The following PLD5 variants were observed in gnomAD, a reference collection of about 807,000 sequenced individuals.
The protein encoded by PLD5 is phospholipase D family member 5.
PLD5 carries 36 observed loss-of-function variants against 61.1 expected under a neutral mutation model. The ratio of observed to expected loss-of-function variants is 0.59; its 90% confidence interval spans 0.45 to 0.78. The LOEUF (loss-of-function observed/expected upper bound fraction) is 0.78, where lower values mean the gene tolerates loss of function less well. Ranked by LOEUF, PLD5 falls within the 30% of genes least tolerant of loss-of-function variation. The pLI is 0.00. For missense variants in PLD5, 515 were observed against 644.4 expected (o/e 0.80, Z 2.17); for synonymous variants, 243 against 242.8 (o/e 1.00, Z -0.01).
At chr1:242,254,851 C>T (rs947394495) in intron 4 of PLD5, among the ~76,000 whole-genome samples, 17 of 152,162 alleles carry the variant, frequency 1.1e-4, no homozygotes, top group Non-Finnish European at 2.1e-4. Context: ...TGTGGCCAAA[C>T]GAGCATAGGA....
In PLD5 at chr1:242,110,330, T is replaced by G. The variant is rs372185522; in HGVS notation, c.1071-2491A>C. Among the ~76,000 whole-genome samples, 29 of 152,148 alleles carry G rather than the reference T, an allele frequency of 1.9e-4. No homozygotes were observed. The East Asian group carries it at 4.3e-3, about 22-fold the overall frequency. Reference sequence around the variant, plus strand: ...TTTTTGTTTTAACATAAGAATTAAATGACATTAATTCTCATTAAATGTACC... The same window carrying G: ...TTTTTGTTTTAACATAAGAATTAAAGGACATTAATTCTCATTAAATGTACC... On this transcript the variant is annotated intron_variant, in intron 7 of 9. Transcript: ENST00000536534.
intron 5 of PLD5, among the ~76,000 whole-genome samples, chr1:242,157,928 C>A (rs1309304349): frequency 2.6e-5 from 4 of 152,208 alleles, no homozygotes; most frequent in African/African-American, 9.6e-5. Flanking sequence ...TGTCCCTTCC[C>A]CCAGGTGCCC....
chr1:242,325,246 T>C (rs1206972737), intron 2 of PLD5, among the ~76,000 whole-genome samples: 2 of 151,966 alleles, frequency 1.3e-5, no homozygotes, highest in Non-Finnish European at 2.9e-5. Context: ...CCAATCTTAC[T>C]ACATTCTAAA....
chr1:242,340,158 G>A (rs1396030477), intron 2 of PLD5, among the ~76,000 whole-genome samples: 4 of 152,116 alleles, frequency 2.6e-5, no homozygotes, highest in African/African-American at 4.8e-5. Context: ...ACTTTTCATC[G>A]CTATTTTTCA....
At chr1:242,111,968 A>G (rs1661540557) in intron 7 of PLD5, among the ~76,000 whole-genome samples, 1 of 152,164 alleles carries the variant, frequency 6.6e-6, no homozygotes, top group Non-Finnish European at 1.5e-5. Context: ...CCTCCGTGCT[A>G]ATTATTTACC....
intron 5 of PLD5, among the ~76,000 whole-genome samples, chr1:242,177,097 A>G (rs1358647869): frequency 6.6e-6 from 1 of 152,226 alleles, no homozygotes; most frequent in East Asian, 1.9e-4. Flanking sequence ...AGGATTATAA[A>G]TCATTCTACT....
chr1:242,091,831 TC>T (rs1429766711), intron 9 of PLD5, among the ~76,000 whole-genome samples: 7 of 143,740 alleles, frequency 4.9e-5, no homozygotes, highest in Admixed American at 7.1e-5. Context: ...TTTCTTTTTT[TC>T]TTTTTTTTTT....
chr1:242,217,565 A>C (rs1431170962), intron 5 of PLD5, among the ~76,000 whole-genome samples: 1 of 152,222 alleles, frequency 6.6e-6, no homozygotes, highest in Non-Finnish European at 1.5e-5. Flanking sequence ...TGGAGGTTGC[A>C]GTGAGCTGCC....
intron 5 of PLD5, among the ~76,000 whole-genome samples, chr1:242,161,566 T>C (rs1214687990): frequency 1.3e-5 from 2 of 152,182 alleles, no homozygotes; most frequent in African/African-American, 4.8e-5. Context: ...GAGGAAAATA[T>C]TCATTGTGAA....
At position 242,271,179 on chromosome 1, in the gene PLD5, T is replaced by TACACACAC. The variant is rs375177006; in HGVS notation, c.496-5739_496-5732dup. ...ATATCTCAAAGTACACATGTGCATG[T>TACACACAC]ACACACACACACACACACACACAGA... On this transcript the variant is annotated intron_variant, in intron 3 of 9. Coordinates refer to ENST00000536534, the MANE Select transcript of PLD5 (RefSeq NM_001372062.1). Among the ~76,000 whole-genome samples, 59 of 95,776 alleles carry TACACACAC rather than the reference T, an allele frequency of 6.2e-4. 5 individuals carry two copies. The highest frequency in any genetic ancestry group is 2.0e-3 in the South Asian group (5 of 2,486). The allele number at this position is 95,776 out of a possible 152,430, so 62.8% of individuals were successfully genotyped here. A position where few individuals can be genotyped will look rare whatever the true frequency, so the allele number is the denominator to read the frequency against.
At chr1:242,513,118 G>A (rs901432019) in intron 1 of PLD5, among the ~76,000 whole-genome samples, 5 of 152,016 alleles carry the variant, frequency 3.3e-5, no homozygotes, top group African/African-American at 7.3e-5. Flanking sequence ...AATCTCAAGC[G>A]ATCCTCCCAG....
chr1:242,160,090 C>T (rs991397016), intron 5 of PLD5, among the ~76,000 whole-genome samples: 3 of 151,976 alleles, frequency 2.0e-5, no homozygotes, highest in African/African-American at 7.3e-5. Context: ...TGGTTCACTG[C>T]AGCCTCAACC....
Position 242,108,897 on chromosome 1 carries a change from C to T in PLD5, c.1071-1058G>A, listed in dbSNP as rs188834293. Among the ~76,000 whole-genome samples, 580 of 152,276 alleles carry T rather than the reference C, an allele frequency of 3.8e-3. 8 individuals are homozygous for T. Among genetic ancestry groups the T allele is most frequent in the Non-Finnish European group, 4.4e-3 (299 of 68,020 alleles). Reference sequence around the variant, plus strand: ...AGATTCATGATGCCTTCAATCTGCCCGGTCCATCAGCTCCTCCTGTCTCCC... The same window carrying T: ...AGATTCATGATGCCTTCAATCTGCCTGGTCCATCAGCTCCTCCTGTCTCCC... On this transcript the variant is annotated intron_variant, in intron 7 of 9. Coordinates refer to ENST00000536534, the MANE Select transcript of PLD5 (RefSeq NM_001372062.1).
At chr1:242,271,996 G>A (rs956484125) in intron 3 of PLD5, among the ~76,000 whole-genome samples, 4 of 151,782 alleles carry the variant, frequency 2.6e-5, no homozygotes, top group African/African-American at 4.8e-5. Flanking sequence ...GTATATCTGT[G>A]ATATTATAAT....
At chr1:242,509,154 A>G (rs7523427) in intron 1 of PLD5, among the ~76,000 whole-genome samples, 46,098 of 151,922 alleles carry the variant, frequency 0.3, 8,125 homozygotes, top group African/African-American at 0.49. Flanking sequence ...AGGCAGACAG[A>G]TTGCCTGAGC....
At chr1:242,320,214 T>C (rs1342519425) in intron 2 of PLD5, among the ~76,000 whole-genome samples, 1 of 152,258 alleles carries the variant, frequency 6.6e-6, no homozygotes, top group Non-Finnish European at 1.5e-5. Flanking sequence ...GACGGTATTA[T>C]ATTGCAGGTG....
rs1209291319 is a variant in PLD5, at chr1:242,507,714, T to C, written c.189+16374A>G. 2.6e-5 allele frequency among the ~76,000 whole-genome samples: 4 copies of C among 152,192 alleles called. No individual in the cohort carries two copies. In the East Asian group the frequency reaches 7.7e-4, roughly 29 times the overall value. On this transcript the variant is annotated intron_variant, in intron 1 of 9. Transcript: ENST00000536534. ...AAAACAACACAGTTCCAAATGCAACTAGAAATCTACTCTGTTCATATCGGG... is the reference window on the plus strand; with the variant it reads ...AAAACAACACAGTTCCAAATGCAACCAGAAATCTACTCTGTTCATATCGGG...
intron 2 of PLD5, among the ~76,000 whole-genome samples, chr1:242,321,741 A>G (rs990061353): frequency 1.3e-5 from 2 of 152,098 alleles, no homozygotes; most frequent in Admixed American, 6.5e-5. Context: ...ATAAGCTTCT[A>G]CACTCTCCTG....
chr1:242,185,189 A>G (rs1667791643), intron 5 of PLD5, among the ~76,000 whole-genome samples: 1 of 152,164 alleles, frequency 6.6e-6, no homozygotes, highest in African/African-American at 2.4e-5. Flanking sequence ...AACTGGCCCC[A>G]TATAATCAAC....
Sources: allele counts gnomAD v4.1 joint callset (sites outside exome capture counted in the v4.1 genomes callset), GRCh38; gene constraint gnomAD v4.1.1; transcripts MANE v1.5; gene names NCBI Gene and HGNC (gene_info 2026-07-23, HGNC 2026-07-21).